BICC1: variants seen among roughly 807,000 people sequenced by gnomAD.
BICC1 encodes the protein BicC family RNA binding protein 1.
A neutral mutation model predicts 111.0 loss-of-function variants in BICC1; 43 were observed. The observed-to-expected ratio is 0.39, with a 90% CI of 0.30 to 0.50. BICC1 has a LOEUF of 0.50. BICC1 is among the 20% of genes least tolerant of loss of function. The pLI is 0.88. For synonymous variants in BICC1, 467 were observed against 434.4 expected, an observed-to-expected ratio of 1.07 and a Z score of -0.93; for missense variants, 1,091 against 1,203.2, an observed-to-expected ratio of 0.91 and a Z score of 1.38.
At chr10:58,777,865 C>T (rs1842789382) in intron 3 of BICC1, among the ~76,000 whole-genome samples, 1 of 152,058 alleles carries the variant, frequency 6.6e-6, no homozygotes, top group Non-Finnish European at 1.5e-5. Flanking sequence ...TTTTGCACTG[C>T]TTGCTGTCTG....
At chr10:58,573,484 T>C (rs146188957) in intron 1 of BICC1, among the ~76,000 whole-genome samples, 1 of 152,262 alleles carries the variant, frequency 6.6e-6, no homozygotes, top group African/African-American at 2.4e-5. Flanking sequence ...TTGCTAATGC[T>C]CCTAAACCAA....
chr10:58,794,360 C>A lies in BICC1; in HGVS notation c.1179+745C>A, dbSNP rs554965844. Among the ~76,000 whole-genome samples the A allele has an allele frequency of 3.3e-5, 5 of 151,936 alleles. No homozygotes were observed. In the South Asian group the frequency reaches 1.0e-3, roughly 32 times the overall value. ...CAAGTTCAGCGTTCTTGGAATCTCT[C>A]CTCAGAGTGTTGTAAAATTTCAGTA... On this transcript the variant is annotated intron_variant, in intron 9 of 20. Coordinates refer to ENST00000373886, the MANE Select transcript of BICC1 (RefSeq NM_001080512.3).
intron 1 of BICC1, among the ~76,000 whole-genome samples, chr10:58,530,091 A>G (rs1256142169): frequency 3.3e-5 from 5 of 151,816 alleles, no homozygotes; most frequent in Non-Finnish European, 7.4e-5. Flanking sequence ...TTTACCTTTA[A>G]AAGGAATATA....
intron 2 of BICC1, among the ~76,000 whole-genome samples, chr10:58,636,147 G>C (rs1305701514): frequency 6.6e-6 from 1 of 152,132 alleles, no homozygotes; most frequent in Non-Finnish European, 1.5e-5. Context: ...GTGATGTTGT[G>C]GGACTGTATG....
chr10:58,732,403 A>AC, intron 3 of BICC1, among the ~76,000 whole-genome samples: 1 of 6,600 alleles, frequency 1.5e-4, no homozygotes, highest in Non-Finnish European at 6.0e-4. Flanking sequence ...ATATATATAT[A>AC]TATATATATA....
intron 1 of BICC1, among the ~76,000 whole-genome samples, chr10:58,543,187 A>G (rs1256569759): frequency 6.6e-6 from 1 of 152,136 alleles, no homozygotes; most frequent in East Asian, 1.9e-4. Context: ...GCTCAGGATT[A>G]AAAAAAGGAA....
chr10:58,653,331 G>A (rs567406050), intron 2 of BICC1, among the ~76,000 whole-genome samples: 1 of 152,180 alleles, frequency 6.6e-6, no homozygotes, highest in African/African-American at 2.4e-5. Flanking sequence ...CAGAGATATT[G>A]CATCATCTTG....
intron 3 of BICC1, among the ~76,000 whole-genome samples, chr10:58,768,865 A>C (rs1172859016): frequency 2.6e-5 from 4 of 152,130 alleles, no homozygotes; most frequent in Non-Finnish European, 4.4e-5. Flanking sequence ...AAAGGAACAT[A>C]CCAAGAGAGG....
intron 3 of BICC1, among the ~76,000 whole-genome samples, chr10:58,762,975 A>C (rs1842358678): frequency 6.6e-6 from 1 of 152,174 alleles, no homozygotes; most frequent in South Asian, 2.1e-4. Flanking sequence ...ATAGGTTCTA[A>C]ATGTAAAATG....
At chr10:58,749,460 A>G (rs1248867992) in intron 3 of BICC1, among the ~76,000 whole-genome samples, 1 of 152,202 alleles carries the variant, frequency 6.6e-6, no homozygotes, top group African/African-American at 2.4e-5. Flanking sequence ...GTCTGAATAT[A>G]CAGCAAAATA....
chr10:58,779,833 G>C (rs1842839320), intron 3 of BICC1, among the ~76,000 whole-genome samples: 1 of 152,178 alleles, frequency 6.6e-6, no homozygotes, highest in Non-Finnish European at 1.5e-5. Flanking sequence ...TTCCCTATAT[G>C]ATTCCAAGTG....
rs151237166 is a variant in BICC1 at position 58,735,872 on chromosome 10, G to A, written c.307+33729G>A. Among the ~76,000 whole-genome samples, 408 of 152,212 alleles carry A rather than the reference G, an allele frequency of 2.7e-3. 3 individuals are homozygous for A. The highest frequency in any genetic ancestry group is 8.8e-3 in the African/African-American group (367 of 41,532). ...TCCATAGGTACCTCATTCTTAGCTC[G>A]ACCCCAAATAAACTTGGGATCTCCT... On this transcript the variant is annotated intron_variant, in intron 3 of 20. Transcript: ENST00000373886.
intron 2 of BICC1, among the ~76,000 whole-genome samples, chr10:58,651,107 T>TACCACGCTCTAAGCTTTGTGACCTTA (rs1291736667): frequency 6.6e-6 from 1 of 152,200 alleles, no homozygotes. Context: ...AAATGATTGC[T>TACCACGCTCTAAGCTTTGTGACCTTA]ACCACGCTCT....
At chr10:58,593,276 A>G (rs2393451) in intron 1 of BICC1, among the ~76,000 whole-genome samples, 44,061 of 151,982 alleles carry the variant, frequency 0.29, 6,696 homozygotes, top group East Asian at 0.45. Context: ...ATCTCCCTGG[A>G]ACAGAGCACC....
intron 3 of BICC1, among the ~76,000 whole-genome samples, chr10:58,725,994 T>C (rs1021142460): frequency 6.6e-6 from 1 of 152,242 alleles, no homozygotes; most frequent in African/African-American, 2.4e-5. Flanking sequence ...TTGTTAAGGC[T>C]ATTTCACTTA....
chr10:58,754,929 G>A (rs372771896), intron 3 of BICC1, among the ~76,000 whole-genome samples: 1 of 152,144 alleles, frequency 6.6e-6, no homozygotes, highest in South Asian at 2.1e-4. Flanking sequence ...TCAAGATTGC[G>A]AGTGAGCCCC....
At chr10:58,760,124 A>G (rs912732744) in intron 3 of BICC1, among the ~76,000 whole-genome samples, 2 of 152,140 alleles carry the variant, frequency 1.3e-5, no homozygotes, top group Non-Finnish European at 2.9e-5. Context: ...TAGTAATTCC[A>G]CTGTGAATTT....
intron 2 of BICC1, among the ~76,000 whole-genome samples, chr10:58,669,373 A>G (rs918925450): frequency 3.9e-5 from 6 of 152,136 alleles, no homozygotes; most frequent in African/African-American, 7.2e-5. Flanking sequence ...ATGAGAGTCT[A>G]TTTGGAGCAT....
chr10:58,743,120 G>A (rs950961453), intron 3 of BICC1, among the ~76,000 whole-genome samples: 4 of 152,176 alleles, frequency 2.6e-5, no homozygotes, highest in African/African-American at 9.7e-5. Flanking sequence ...TCGGGTGGTG[G>A]TGGTTGTTCG....
Sources: gnomAD v4.1 joint callset for allele counts (sites outside exome capture counted in the v4.1 genomes callset) on GRCh38, gnomAD v4.1.1 for gene constraint, MANE v1.5 for transcripts, NCBI Gene and HGNC (gene_info 2026-07-23, HGNC 2026-07-21) for gene names.